The following TMEM232 variants were observed in gnomAD, a reference collection of about 807,000 sequenced individuals.
TMEM232 encodes the protein transmembrane protein 232.
Under a neutral mutation model 78.8 loss-of-function variants are expected in TMEM232, and 80 were observed. The observed-to-expected ratio is 1.01, with a 90% CI of 0.85 to 1.22. The LOEUF is 1.22. TMEM232 is among the 50% of genes most tolerant of loss of function. The pLI is 0.00. For synonymous variants in TMEM232, 297 were observed against 254.3 expected (o/e 1.17, Z -1.60); for missense variants, 881 against 742.2 (o/e 1.19, Z -2.17).
At chr5:110,603,291 A>C (rs1358183175) in intron 10 of TMEM232, among the ~76,000 whole-genome samples, 1 of 152,192 alleles carries the variant, frequency 6.6e-6, no homozygotes, top group Non-Finnish European at 1.5e-5. Flanking sequence ...CAGAACTTAA[A>C]GTATAATAAT....
chr5:110,459,179 G>A (rs1017191407), intron 12 of TMEM232, among the ~76,000 whole-genome samples: 1 of 151,990 alleles, frequency 6.6e-6, no homozygotes, highest in Admixed American at 6.6e-5. Context: ...CTATTACCTT[G>A]GAAATATCAA....
chr5:110,538,247 A>C (rs1044697509), intron 11 of TMEM232, among the ~76,000 whole-genome samples: 6 of 152,152 alleles, frequency 3.9e-5, no homozygotes, highest in African/African-American at 1.2e-4. Context: ...GCAAAATATT[A>C]ATGGCACAGC....
chr5:110,657,159 G>A (rs555030503), intron 2 of TMEM232, among the ~76,000 whole-genome samples: 44 of 152,204 alleles, frequency 2.9e-4, no homozygotes, highest in Admixed American at 1.7e-3. Context: ...AGGAATGTAC[G>A]TTAGTACAGC....
At chr5:110,678,012 A>G (rs1211401748) in intron 1 of TMEM232, among the ~76,000 whole-genome samples, 1 of 152,148 alleles carries the variant, frequency 6.6e-6, no homozygotes, top group Non-Finnish European at 1.5e-5. Context: ...TGATATACGT[A>G]ATGTGTGTTC....
intron 1 of TMEM232, among the ~76,000 whole-genome samples, chr5:110,681,217 T>C (rs1792710279): frequency 6.6e-6 from 1 of 152,118 alleles, no homozygotes; most frequent in Non-Finnish European, 1.5e-5. Context: ...ATAAAAAGAC[T>C]AGAAATTTGG....
intron 12 of TMEM232, among the ~76,000 whole-genome samples, chr5:110,468,295 A>G (rs1018814212): frequency 3.0e-4 from 45 of 148,548 alleles, no homozygotes; most frequent in African/African-American, 1.1e-3. Context: ...AGAGCATAAA[A>G]TAATGTTTTT....
chr5:110,537,011 A>T (rs1772447415), intron 11 of TMEM232, among the ~76,000 whole-genome samples: 1 of 152,150 alleles, frequency 6.6e-6, no homozygotes, highest in Admixed American at 6.5e-5. Context: ...TGACAGACTA[A>T]GACAGGGCTC....
At chr5:110,695,673 C>G (rs1265422439) in intron 1 of TMEM232, among the ~76,000 whole-genome samples, 1 of 152,192 alleles carries the variant, frequency 6.6e-6, no homozygotes, top group Non-Finnish European at 1.5e-5. Flanking sequence ...ACTATAAACA[C>G]CTCTATGCAA....
intron 1 of TMEM232, among the ~76,000 whole-genome samples, chr5:110,682,496 G>T (rs767167031): frequency 4.6e-5 from 7 of 152,068 alleles, no homozygotes; most frequent in Non-Finnish European, 1.0e-4. Flanking sequence ...ATGGTCTAAA[G>T]TAGCTGCCAC....
chr5:110,556,351 TTCCCTTCCCC>T (rs1775082280), intron 11 of TMEM232, among the ~76,000 whole-genome samples: 1 of 150,904 alleles, frequency 6.6e-6, no homozygotes, highest in African/African-American at 2.4e-5. Context: ...CTCCCTTCCC[TTCCCTTCCCC>T]TTCCTTCCTT....
intron 10 of TMEM232, among the ~76,000 whole-genome samples, chr5:110,571,049 A>G (rs1413505762): frequency 6.6e-6 from 1 of 151,804 alleles, no homozygotes; most frequent in East Asian, 1.9e-4. Flanking sequence ...TTAACTCCAC[A>G]CTACACCTGG....
intron 2 of TMEM232, among the ~76,000 whole-genome samples, chr5:110,411,514 C>A (rs942382501): frequency 2.0e-5 from 3 of 152,066 alleles, no homozygotes; most frequent in Non-Finnish European, 4.4e-5. Context: ...GGATACAATT[C>A]AGTAGTGTCA....
rs1251543096 is a variant in TMEM232, at chr5:110,598,338, A to T, written c.1276+6771T>A. The stretch of plus-strand genomic sequence containing the variant: ...ACCATCTCACACCAGTTAGAATGGC[A>T]ATCATTCAAAAGTCAGGAAACAACA... On this transcript the variant is annotated intron_variant, in intron 10 of 13. Coordinates refer to ENST00000455884, the MANE Select transcript of TMEM232 (RefSeq NM_001039763.4). 2.6e-5 allele frequency among the ~76,000 whole-genome samples: 4 copies of T among 152,146 alleles called. No individual in the cohort carries two copies. In the South Asian group the frequency reaches 6.2e-4, roughly 24 times the overall value.
intron 10 of TMEM232, among the ~76,000 whole-genome samples, chr5:110,583,982 AAAG>A (rs1478030887): frequency 1.3e-5 from 2 of 151,086 alleles, no homozygotes; most frequent in Non-Finnish European, 3.0e-5. Flanking sequence ...AAAAAAAAAA[AAAG>A]AAGAAAAAGA....
chr5:110,401,943 T>A (rs1755616961), intron 2 of TMEM232, among the ~76,000 whole-genome samples: 1 of 152,100 alleles, frequency 6.6e-6, no homozygotes, highest in Non-Finnish European at 1.5e-5. Flanking sequence ...ATGATTTCTA[T>A]TGTTTCTTTG....
At chr5:110,580,660 C>T (rs1778100372) in intron 10 of TMEM232, among the ~76,000 whole-genome samples, 1 of 151,490 alleles carries the variant, frequency 6.6e-6, no homozygotes, top group African/African-American at 2.4e-5. Context: ...AATGAAGAAA[C>T]AGCCAACTTG....
At chr5:110,688,212 T>G (rs376225097) in intron 1 of TMEM232, among the ~76,000 whole-genome samples, 17 of 152,284 alleles carry the variant, frequency 1.1e-4, no homozygotes, top group African/African-American at 4.1e-4. Flanking sequence ...CATTTCTATA[T>G]GGATAACCAT....
At position 110,424,905 on chromosome 5, in the gene TMEM232, G is replaced by T; in HGVS notation, c.1715C>A (p.Ser572Tyr). The stretch of plus-strand genomic sequence containing the variant: ...TGGAAACATGGGAATTTCTGATACA[G>T]AAGGATGTTCCCTTCAAAAGAGCAC... ...VLHFTVREHP[S>Y]VSEIPMFPYP... The change falls in exon 13 of 14, where the codon TCT becomes TAT. Residue 572 changes from serine to tyrosine, a missense_variant. Transcript: ENST00000455884. 1 of 1,550,060 alleles carries T rather than the reference G, an allele frequency of 6.5e-7. No individual in the cohort carries two copies. Among genetic ancestry groups the T allele is most frequent in the Non-Finnish European group, 8.7e-7 (1 of 1,145,956 alleles).
intron 12 of TMEM232, among the ~76,000 whole-genome samples, chr5:110,501,880 C>T (rs1435257880): frequency 6.6e-6 from 1 of 152,110 alleles, no homozygotes; most frequent in Non-Finnish European, 1.5e-5. Flanking sequence ...ACCTAATTCA[C>T]TTAGGTCTAA....
Sources: allele counts gnomAD v4.1 joint callset (sites outside exome capture counted in the v4.1 genomes callset), GRCh38; gene constraint gnomAD v4.1.1; transcripts MANE v1.5; gene names NCBI Gene and HGNC (gene_info 2026-07-23, HGNC 2026-07-21).